Variants in MTOR observed in about 807,000 individuals in gnomAD.
MTOR encodes the protein serine/threonine-protein kinase mTOR.
MTOR carries 70 observed loss-of-function variants against 319.8 expected under a neutral mutation model. The ratio of observed to expected loss-of-function variants is 0.22; its 90% CI spans 0.18 to 0.27. MTOR has a LOEUF of 0.27. Among genes scored for constraint, MTOR ranks in the 10% least tolerant of loss-of-function variants. The pLI, the probability that MTOR is intolerant of heterozygous loss-of-function variation, is 1.00. For missense variants in MTOR, 1,890 were observed against 3,274.4 expected (o/e 0.58, Z 10.32); for synonymous variants, 1,183 against 1,211.4 (o/e 0.98, Z 0.49).
At chr1:11,262,187 C>T (rs777088320) in intron 1 of MTOR, among the ~76,000 whole-genome samples, 1 of 152,182 alleles carries the variant, frequency 6.6e-6, no homozygotes, top group African/African-American at 2.4e-5. Flanking sequence ...AAGGGCAATA[C>T]CAGAGCTGAT....
chr1:11,194,465 G>C (rs1292341982), intron 28 of MTOR: 2 of 1,613,882 alleles, frequency 1.2e-6, no homozygotes, highest in Admixed American at 3.3e-5. Context: ...TGACAGGACT[G>C]GGAGGGCAAC....
chr1:11,222,844 C>T (rs992669900), intron 19 of MTOR, among the ~76,000 whole-genome samples: 1 of 151,890 alleles, frequency 6.6e-6, no homozygotes, highest in African/African-American at 2.4e-5. Context: ...AAATAACTAC[C>T]AATGAATGCT....
intron 2 of MTOR, 78 bp from the exon 3 acceptor site, chr1:11,258,671 A>G (rs1255411679): frequency 1.9e-6 from 2 of 1,077,506 alleles, no homozygotes; most frequent in Non-Finnish European, 2.8e-6. Flanking sequence ...GCATCTAAAG[A>G]TTAGATCCTG....
At chr1:11,222,559 C>T (rs1204167405) in intron 19 of MTOR, among the ~76,000 whole-genome samples, 1 of 151,960 alleles carries the variant, frequency 6.6e-6, no homozygotes, top group African/African-American at 2.4e-5. Flanking sequence ...TGGTCTTACA[C>T]TCCTCCTGGG....
chr1:11,185,513 G>A (rs1645291755), intron 28 of MTOR, among the ~76,000 whole-genome samples: 1 of 152,128 alleles, frequency 6.6e-6, no homozygotes, highest in Admixed American at 6.6e-5. Flanking sequence ...GGCTGAGGTG[G>A]ATGGATCACT....
intron 2 of MTOR, among the ~76,000 whole-genome samples, chr1:11,259,013 C>T (rs183278734): frequency 2.6e-4 from 40 of 152,288 alleles, no homozygotes; most frequent in African/African-American, 9.1e-4. Context: ...TTAAAAGAAA[C>T]AGCTAAGTCT....
chr1:11,175,814 G>A (rs1163088678), intron 28 of MTOR, among the ~76,000 whole-genome samples: 3 of 150,586 alleles, frequency 2.0e-5, no homozygotes, highest in Non-Finnish European at 2.9e-5. Flanking sequence ...GCGCAATCTC[G>A]GCTCACCGCA....
chr1:11,140,778 T>A (rs968532733), intron 34 of MTOR, among the ~76,000 whole-genome samples: 2 of 152,232 alleles, frequency 1.3e-5, no homozygotes, highest in Non-Finnish European at 2.9e-5. Flanking sequence ...ACATAATACA[T>A]CTTCAACTTT....
At chr1:11,174,263 T>C (rs1005104999) in intron 28 of MTOR, among the ~76,000 whole-genome samples, 3 of 152,112 alleles carry the variant, frequency 2.0e-5, no homozygotes, top group African/African-American at 7.2e-5. Flanking sequence ...ACCCAGGAAT[T>C]AGCTGTAAAA....
intron 34 of MTOR, among the ~76,000 whole-genome samples, chr1:11,142,822 G>C (rs184199660): frequency 2.2e-4 from 34 of 152,324 alleles, no homozygotes; most frequent in Admixed American, 1.3e-4. Flanking sequence ...CAGTAAGGCT[G>C]ACCTCTCTAA....
chr1:11,160,565 C>A (rs756517380), intron 29 of MTOR, among the ~76,000 whole-genome samples: 1 of 152,138 alleles, frequency 6.6e-6, no homozygotes, highest in Non-Finnish European at 1.5e-5. Context: ...CCTGGTTTTG[C>A]CATTTATTCA....
chr1:11,107,254 G>T lies in MTOR; in HGVS notation c.*231C>A. On this transcript the variant is annotated 3_prime_UTR_variant, in exon 58 of 58. Transcript: ENST00000361445. ...GGCTTGATTTACGTGGTATTACTAT[G>T]TTTCACTGTCCTGGGAACCAAATCA... 7.0e-7 allele frequency: 1 copy of T among 1,432,684 alleles called. No homozygotes were observed. The highest frequency in any genetic ancestry group is 2.6e-5 in the East Asian group (1 of 38,230). 88.7% of individuals were successfully genotyped at this position (1,432,684 alleles called of 1,614,324 possible). A position where few individuals can be genotyped will look rare whatever the true frequency, so the allele number is the denominator to read the frequency against.
intron 30 of MTOR, among the ~76,000 whole-genome samples, chr1:11,152,953 T>G (rs369643264): frequency 7.9e-5 from 12 of 152,184 alleles, no homozygotes; most frequent in African/African-American, 2.7e-4. Context: ...TGGGTAACTA[T>G]AAAACGGGAA....
intron 9 of MTOR, among the ~76,000 whole-genome samples, chr1:11,241,897 G>GTC (rs1258563579): frequency 6.6e-6 from 1 of 152,180 alleles, no homozygotes; most frequent in Non-Finnish European, 1.5e-5. Flanking sequence ...GCAGTAAAGT[G>GTC]TCTTAAGGAA....
chr1:11,148,881 G>A (rs1421719517), intron 31 of MTOR, among the ~76,000 whole-genome samples: 3 of 151,468 alleles, frequency 2.0e-5, no homozygotes, highest in Non-Finnish European at 4.4e-5. Context: ...CTGGGTGACA[G>A]AGCGAGACTC....
chr1:11,236,656 C>T (rs538161904), intron 13 of MTOR, among the ~76,000 whole-genome samples: 3 of 152,040 alleles, frequency 2.0e-5, no homozygotes, highest in African/African-American at 7.2e-5. Flanking sequence ...TTACAGACGC[C>T]TGCCAACATG....
chr1:11,178,646 A>T (rs1443503709), intron 28 of MTOR, among the ~76,000 whole-genome samples: 3 of 152,166 alleles, frequency 2.0e-5, no homozygotes, highest in African/African-American at 7.2e-5. Context: ...GCTTCTTCAC[A>T]TCCAGAGAGA....
At chr1:11,220,062 AAAG>A (rs1442541574) in intron 19 of MTOR, among the ~76,000 whole-genome samples, 306 of 94,686 alleles carry the variant, frequency 3.2e-3, no homozygotes, top group Middle Eastern at 6.8e-3. Context: ...AAAAGAAAAG[AAAG>A]AAAAAAAAAA....
chr1:11,152,084 A>G (rs144938657), intron 30 of MTOR, among the ~76,000 whole-genome samples: 119 of 152,364 alleles, frequency 7.8e-4, no homozygotes, highest in African/African-American at 2.6e-3. Flanking sequence ...CAGCTGTCAG[A>G]GCTTGGTCAG....
Sources: gnomAD v4.1 joint callset for allele counts (sites outside exome capture counted in the v4.1 genomes callset) on GRCh38, gnomAD v4.1.1 for gene constraint, MANE v1.5 for transcripts, NCBI Gene and HGNC (gene_info 2026-07-23, HGNC 2026-07-21) for gene names.